FLRT2: variants seen among roughly 807,000 people sequenced by gnomAD.
FLRT2 encodes the protein leucine-rich repeat transmembrane protein FLRT2.
Under a neutral mutation model 40.0 loss-of-function variants are expected in FLRT2, and 15 were observed. The observed-to-expected ratio is 0.38, with a 90% CI of 0.25 to 0.58. The LOEUF (loss-of-function observed/expected upper bound fraction) is 0.58. Ranked by LOEUF, FLRT2 falls within the 20% of genes least tolerant of loss-of-function variation. FLRT2 has a pLI of 0.71. For synonymous variants in FLRT2, 380 were observed against 336.8 expected, an observed-to-expected ratio of 1.13 and a Z score of -1.41; for missense variants, 726 against 840.0, an observed-to-expected ratio of 0.86 and a Z score of 1.68.
In FLRT2 at chr14:85,650,621, T is replaced by C. The variant is rs532393365; in HGVS notation, c.*27124T>C. The C allele has an allele frequency of 4.6e-5, 7 of 152,242 alleles. No individual in the cohort carries two copies. Among genetic ancestry groups the C allele is most frequent in the African/African-American group, 1.7e-4 (7 of 41,570 alleles). 9.4% of individuals were successfully genotyped at this position (152,242 alleles called of 1,614,324 possible). A position where few individuals can be genotyped will look rare whatever the true frequency, so the allele number is the denominator to read the frequency against. On this transcript the variant is annotated 3_prime_UTR_variant, in exon 2 of 2. Transcript: ENST00000330753. ...GTTTCCACTTTCACATGCTTGCCAT[T>C]TCCTATTGCAAAACATTTAAGTATT...
At chr14:85,588,461 T>G (rs1267837594) in intron 1 of FLRT2, among the ~76,000 whole-genome samples, 2 of 70,762 alleles carry the variant, frequency 2.8e-5, no homozygotes, top group South Asian at 3.6e-4. Context: ...AGCTCAGTTT[T>G]TTTTTTTTTT....
chr14:85,622,674 C>G lies in FLRT2; in HGVS notation c.1160C>G (p.Ser387Cys). ...CCGACCACTCAGCCTCCCACCCTCT[C>G]TATTCCAAACCCTAGCAGAAGCTAC... ...ASPTTQPPTLSIPNPSRSYTP... is the reference protein window; with the variant it reads ...ASPTTQPPTLCIPNPSRSYTP... Residue 387 changes from serine to cysteine, a missense_variant, in exon 2 of 2, where the codon TCT (serine) becomes TGT (cysteine). Around this residue, in one of 3 missense-constraint regions of FLRT2, gnomAD observed 611 missense variants for 690.0 expected, o/e 0.89. Coordinates refer to ENST00000330753, the MANE Select transcript of FLRT2 (RefSeq NM_013231.6). The G allele has an allele frequency of 6.2e-7, 1 of 1,614,044 alleles. No individual in the cohort carries two copies.
intron 1 of FLRT2, among the ~76,000 whole-genome samples, chr14:85,537,983 TCAGGATTC>T (rs1376908437): frequency 2.6e-5 from 4 of 152,146 alleles, no homozygotes; most frequent in African/African-American, 9.7e-5. Context: ...CATGTTGTGT[TCAGGATTC>T]CAGAAGAGTT....
chr14:85,569,576 T>C (rs749677602), intron 1 of FLRT2, among the ~76,000 whole-genome samples: 2 of 152,252 alleles, frequency 1.3e-5, no homozygotes, highest in Non-Finnish European at 2.9e-5. Context: ...ACACTGGACG[T>C]GTACTTTAGA....
At chr14:85,615,201 C>A (rs1893068781) in intron 1 of FLRT2, among the ~76,000 whole-genome samples, 1 of 152,168 alleles carries the variant, frequency 6.6e-6, no homozygotes, top group African/African-American at 2.4e-5. Context: ...GTGGGATCTC[C>A]CTCCCAGTGG....
At chr14:85,540,749 T>C (rs1460836399) in intron 1 of FLRT2, among the ~76,000 whole-genome samples, 1 of 152,144 alleles carries the variant, frequency 6.6e-6, no homozygotes, top group Non-Finnish European at 1.5e-5. Flanking sequence ...ATTAGTACTT[T>C]AGCAGTACAT....
In FLRT2 at chr14:85,633,251, A is replaced by G. The variant is rs191150950; in HGVS notation, c.*9754A>G. On this transcript the variant is annotated 3_prime_UTR_variant, in exon 2 of 2. Transcript: ENST00000330753. Reference sequence around the variant, plus strand: ...TTCTGTATTCTTTCTGGGGGAAAAAAATTGGGAAGATGAGGTGCCATGGGA... The same window carrying G: ...TTCTGTATTCTTTCTGGGGGAAAAAGATTGGGAAGATGAGGTGCCATGGGA... The G allele has an allele frequency of 9.9e-5, 15 of 152,242 alleles. 1 individual carries two copies. In the East Asian group the frequency reaches 2.7e-3, roughly 27 times the overall value. The allele number at this position is 152,242 out of a possible 1,614,324, so 9.4% of individuals were successfully genotyped here. A position where few individuals can be genotyped will look rare whatever the true frequency, so the allele number is the denominator to read the frequency against.
chr14:85,542,715 A>T (rs1430344416), intron 1 of FLRT2, among the ~76,000 whole-genome samples: 1 of 152,222 alleles, frequency 6.6e-6, no homozygotes, highest in East Asian at 1.9e-4. Flanking sequence ...GTAAAGAACA[A>T]GTCCAGTGGT....
At chr14:85,562,251 G>A (rs1890380776) in intron 1 of FLRT2, among the ~76,000 whole-genome samples, 1 of 152,276 alleles carries the variant, frequency 6.6e-6, no homozygotes, top group African/African-American at 2.4e-5. Flanking sequence ...ACTCACTCAT[G>A]TTTCCAAGAG....
At chr14:85,534,162 G>A (rs778784693) in intron 1 of FLRT2, among the ~76,000 whole-genome samples, 9 of 152,202 alleles carry the variant, frequency 5.9e-5, no homozygotes, top group Non-Finnish European at 1.0e-4. Flanking sequence ...ACGTTAGAGG[G>A]GCAGCTGTGC....
intron 1 of FLRT2, among the ~76,000 whole-genome samples, chr14:85,611,917 C>CGTGTGTGTGTGTGTGTGT (rs71120529): frequency 4.6e-5 from 6 of 130,932 alleles, no homozygotes; most frequent in Non-Finnish European, 8.1e-5. Flanking sequence ...TGCGCGAAAG[C>CGTGTGTGTGTGTGTGTGT]GTGTGTGTGT....
intron 1 of FLRT2, among the ~76,000 whole-genome samples, chr14:85,564,049 A>T (rs2139849757): frequency 6.6e-6 from 1 of 152,302 alleles, no homozygotes; most frequent in South Asian, 2.1e-4. Flanking sequence ...TCCTCTTCCT[A>T]CATAGATGAA....
intron 1 of FLRT2, among the ~76,000 whole-genome samples, chr14:85,568,543 C>G (rs1890738751): frequency 6.6e-6 from 1 of 152,154 alleles, no homozygotes; most frequent in African/African-American, 2.4e-5. Context: ...GAAGCCTGGA[C>G]CAGCTCTGGA....
chr14:85,557,509 G>C (rs146793931), intron 1 of FLRT2, among the ~76,000 whole-genome samples: 31 of 152,130 alleles, frequency 2.0e-4, no homozygotes, highest in African/African-American at 7.5e-4. Flanking sequence ...GGCCCAGATA[G>C]AGTATAAAAA....
Position 85,581,505 on chromosome 14 carries a change from C to T in FLRT2, c.-376-39634C>T, listed in dbSNP as rs370620652. On this transcript the variant is annotated intron_variant, in intron 1 of 1. Transcript: ENST00000330753. ...TCTTGGAGCAATATGGCGGTTGTTCCCTTCCCCTAGGTTCACAGCCTGAGT... is the reference window on the plus strand; with the variant it reads ...TCTTGGAGCAATATGGCGGTTGTTCTCTTCCCCTAGGTTCACAGCCTGAGT... Among the ~76,000 whole-genome samples the T allele has an allele frequency of 7.2e-4, 109 of 152,188 alleles. 2 individuals are homozygous for T. The South Asian group carries it at 0.016, about 22-fold the overall frequency.
intron 1 of FLRT2, among the ~76,000 whole-genome samples, chr14:85,617,662 A>G (rs1893194332): frequency 6.6e-6 from 1 of 152,202 alleles, no homozygotes; most frequent in African/African-American, 2.4e-5. Flanking sequence ...GGTGGTTGTA[A>G]TTTTACCAAT....
Position 85,576,236 on chromosome 14 carries a change from C to T in FLRT2, c.-376-44903C>T, listed in dbSNP as rs1280941701. On this transcript the variant is annotated intron_variant, in intron 1 of 1. Coordinates refer to ENST00000330753, the MANE Select transcript of FLRT2 (RefSeq NM_013231.6). ...CCTCAGTTATCCGGGTTTCCTTCAG[C>T]TCTAGTGCTGTTTTAATTATAAGTA... is the stretch of plus-strand genomic sequence containing the variant. 2.0e-5 allele frequency among the ~76,000 whole-genome samples: 3 copies of T among 152,258 alleles called. No individual in the cohort carries two copies. The South Asian group carries it at 6.2e-4, about 32-fold the overall frequency.
chr14:85,533,052 A>G (rs1191683970), intron 1 of FLRT2, among the ~76,000 whole-genome samples: 1 of 152,174 alleles, frequency 6.6e-6, no homozygotes, highest in Non-Finnish European at 1.5e-5. Flanking sequence ...CAGGGTTAAA[A>G]GCCAAGTCTG....
intron 1 of FLRT2, among the ~76,000 whole-genome samples, chr14:85,533,174 A>T (rs1339441653): frequency 6.6e-6 from 1 of 152,120 alleles, no homozygotes; most frequent in Non-Finnish European, 1.5e-5. Flanking sequence ...AGGGAGAGAA[A>T]GAGGGCTCCA....
Sources: allele counts gnomAD v4.1 joint callset (sites outside exome capture counted in the v4.1 genomes callset), GRCh38; gene constraint gnomAD v4.1.1; regional missense constraint gnomAD v4.1.1; transcripts MANE v1.5; gene names NCBI Gene and HGNC (gene_info 2026-07-23, HGNC 2026-07-21).